The following KLF15 variants were observed in gnomAD, a reference collection of about 807,000 sequenced individuals.
The protein encoded by KLF15 is Krueppel-like factor 15.
KLF15 carries 4 observed loss-of-function variants against 24.6 expected under a neutral mutation model. The ratio of observed to expected loss-of-function variants is 0.16; its 90% CI spans 0.08 to 0.37. The LOEUF (loss-of-function observed/expected upper bound fraction) is 0.37. KLF15 is among the 10% of genes least tolerant of loss of function. The probability of loss-of-function intolerance (pLI) is 1.00; values close to 1 mark genes in which losing one functional copy is unlikely to be tolerated. For missense variants in KLF15, 496 were observed against 560.6 expected (o/e 0.88, Z 1.16); for synonymous variants, 246 against 236.3 (o/e 1.04, Z -0.37).
At chr3:126,321,484 G>A in the KLF15 span, among the ~76,000 whole-genome samples, 1 of 152,232 alleles carries the variant, frequency 6.6e-6, no homozygotes, top group Non-Finnish European at 1.5e-5. Flanking sequence ...CTGCAGCAGT[G>A]CTACAGGAGG....
chr3:126,312,748 G>A, the KLF15 span, among the ~76,000 whole-genome samples: 1 of 152,316 alleles, frequency 6.6e-6, no homozygotes, highest in East Asian at 1.9e-4. Flanking sequence ...AGACATTTGC[G>A]TTTTCACAGT....
the KLF15 span, among the ~76,000 whole-genome samples, chr3:126,323,444 AT>A: frequency 1.0e-4 from 6 of 58,004 alleles, no homozygotes; most frequent in African/African-American, 3.8e-4. Flanking sequence ...TAACATATAT[AT>A]GTTATATATA....
At position 126,343,108 on chromosome 3, in the gene KLF15, G is replaced by GCTTTTCA. The variant is rs2107549831; in HGVS notation, c.*612_*618dup. On this transcript the variant is annotated 3_prime_UTR_variant, in exon 3 of 3. Transcript: ENST00000296233. ...CACTGCCAGCCCCCTAGTGGGGGACGCTTTTCACCTCTCTCCCACATGAGG... is the reference window on the plus strand; with the variant it reads ...CACTGCCAGCCCCCTAGTGGGGGACGCTTTTCACTTTTCACCTCTCTCCCACATGAGG... 1 of 130,852 alleles carries GCTTTTCA rather than the reference G, an allele frequency of 7.6e-6. No individual in the cohort carries two copies. The highest frequency in any genetic ancestry group is 8.0e-5 in the Admixed American group (1 of 12,456). The allele number at this position is 130,852 out of a possible 1,614,324, so 8.1% of individuals were successfully genotyped here. A position where few individuals can be genotyped will look rare whatever the true frequency, so the allele number is the denominator to read the frequency against.
intron 2 of KLF15, among the ~76,000 whole-genome samples, chr3:126,351,344 G>C (rs2082580394): frequency 6.6e-6 from 1 of 152,236 alleles, no homozygotes; most frequent in Non-Finnish European, 1.5e-5. Flanking sequence ...GCATTTTCAG[G>C]ATGTGACCTC....
intron 2 of KLF15, among the ~76,000 whole-genome samples, chr3:126,351,183 G>A (rs1386038530): frequency 1.3e-5 from 2 of 152,198 alleles, no homozygotes; most frequent in Non-Finnish European, 2.9e-5. Context: ...ACCTGTGACA[G>A]CACCACCAGC....
chr3:126,344,833 G>A (rs1163291644), intron 2 of KLF15, among the ~76,000 whole-genome samples: 1 of 152,192 alleles, frequency 6.6e-6, no homozygotes, highest in Non-Finnish European at 1.5e-5. Flanking sequence ...GGTGGCTCCC[G>A]ACATTTCGCT....
intron 2 of KLF15, among the ~76,000 whole-genome samples, chr3:126,350,191 C>A (rs1267052829): frequency 6.6e-6 from 1 of 152,214 alleles, no homozygotes; most frequent in African/African-American, 2.4e-5. Context: ...CACTCCTGGC[C>A]CTTCTCTCGG....
chr3:126,341,188 C>T (rs898916618), downstream of KLF15, among the ~76,000 whole-genome samples: 1 of 152,140 alleles, frequency 6.6e-6, no homozygotes, highest in African/African-American at 2.4e-5. Flanking sequence ...TATGTGTGCA[C>T]GTACACACAA....
chr3:126,309,106 C>T, the KLF15 span, among the ~76,000 whole-genome samples: 3 of 152,220 alleles, frequency 2.0e-5, no homozygotes, highest in Non-Finnish European at 2.9e-5. Flanking sequence ...CTAGGCAAGG[C>T]GTAGGCCTGA....
chr3:126,324,752 T>A, the KLF15 span, among the ~76,000 whole-genome samples: 4 of 80,024 alleles, frequency 5.0e-5, no homozygotes, highest in African/African-American at 1.9e-4. Context: ...TTGGTGATGT[T>A]AACTTTTTTT....
the KLF15 span, chr3:126,290,905 C>T: frequency 6.6e-6 from 1 of 152,172 alleles, no homozygotes; most frequent in Admixed American, 6.5e-5. Context: ...GTACTTTTAC[C>T]ATTTTTTTGA....
At chr3:126,294,082 C>G in the KLF15 span, 3 of 152,240 alleles carry the variant, frequency 2.0e-5, no homozygotes, top group African/African-American at 7.2e-5. Context: ...AGTCTCTCCG[C>G]CTAGGTCTGC....
At chr3:126,315,997 C>T in the KLF15 span, among the ~76,000 whole-genome samples, 14 of 152,112 alleles carry the variant, frequency 9.2e-5, no homozygotes, top group South Asian at 2.5e-3. Context: ...GTTGGCAAGC[C>T]GCACTCTAGA....
chr3:126,323,871 T>C, the KLF15 span, among the ~76,000 whole-genome samples: 1 of 151,850 alleles, frequency 6.6e-6, no homozygotes, highest in South Asian at 2.1e-4. Flanking sequence ...GCTTCCAGCT[T>C]CTCCATGTTC....
chr3:126,315,947 C>T, the KLF15 span, among the ~76,000 whole-genome samples: 10 of 151,998 alleles, frequency 6.6e-5, 1 homozygote, highest in Non-Finnish European at 1.0e-4. Flanking sequence ...TGGCTGATTC[C>T]GACATAAGAG....
intron 1 of KLF15, 21 bp from the exon 2 acceptor site, chr3:126,352,968 A>G: frequency 6.4e-7 from 1 of 1,558,174 alleles, no homozygotes; most frequent in South Asian, 1.2e-5. Flanking sequence ...GGAACACAGG[A>G]GGCCTGGTCA....
At chr3:126,299,985 C>T in the KLF15 span, among the ~76,000 whole-genome samples, 1 of 152,104 alleles carries the variant, frequency 6.6e-6, no homozygotes, top group Non-Finnish European at 1.5e-5. Context: ...CCCAGGCAAA[C>T]TCATATGGGG....
the KLF15 span, among the ~76,000 whole-genome samples, chr3:126,306,114 G>A: frequency 1.3e-5 from 2 of 152,110 alleles, no homozygotes; most frequent in East Asian, 3.9e-4. Flanking sequence ...TCAGTTTTCC[G>A]AAGGAACTTT....
At chr3:126,308,828 G>A in the KLF15 span, among the ~76,000 whole-genome samples, 1 of 152,206 alleles carries the variant, frequency 6.6e-6, no homozygotes, top group African/African-American at 2.4e-5. Flanking sequence ...TGAGAAGTGT[G>A]CAGACAGAGA....
Sources: allele counts gnomAD v4.1 joint callset (sites outside exome capture counted in the v4.1 genomes callset), GRCh38; gene constraint gnomAD v4.1.1; transcripts MANE v1.5; gene names NCBI Gene and HGNC (gene_info 2026-07-23, HGNC 2026-07-21).